SHISA9: variants seen among roughly 807,000 people sequenced by gnomAD.
SHISA9 encodes protein shisa-9.
SHISA9 carries 13 observed loss-of-function variants against 38.0 expected under a neutral mutation model. The ratio of observed to expected loss-of-function variants is 0.34; its 90% confidence interval spans 0.22 to 0.54. The LOEUF is 0.54. Among genes scored for constraint, SHISA9 ranks in the 20% least tolerant of loss-of-function variants. SHISA9 has a pLI of 0.91. For missense variants in SHISA9, 538 were observed against 575.8 expected (o/e 0.93, Z 0.67); for synonymous variants, 275 against 242.0 (o/e 1.14, Z -1.27).
chr16:13,023,500 A>G (rs60685292), intron 2 of SHISA9, among the ~76,000 whole-genome samples: 219 of 152,306 alleles, frequency 1.4e-3, no homozygotes, highest in African/African-American at 5.1e-3. Context: ...GTGTCTTTAT[A>G]GTAGCATGAT....
chr16:12,999,883 C>T (rs1284204345), intron 2 of SHISA9, among the ~76,000 whole-genome samples: 2 of 152,126 alleles, frequency 1.3e-5, no homozygotes, highest in Non-Finnish European at 2.9e-5. Flanking sequence ...TTCCATTGGC[C>T]AGAACTAGTC....
At chr16:13,103,957 T>A (rs185078590) in intron 2 of SHISA9, among the ~76,000 whole-genome samples, 3 of 152,268 alleles carry the variant, frequency 2.0e-5, no homozygotes, top group African/African-American at 7.2e-5. Context: ...TCCAAAGCCA[T>A]CCTGCTTGGG....
chr16:13,530,645 A>T, the SHISA9 span, among the ~76,000 whole-genome samples: 1 of 151,808 alleles, frequency 6.6e-6, no homozygotes, highest in Non-Finnish European at 1.5e-5. Flanking sequence ...CCACCTACCT[A>T]TAGTGTACCC....
the SHISA9 span, among the ~76,000 whole-genome samples, chr16:13,434,160 G>C: frequency 6.6e-6 from 1 of 152,160 alleles, no homozygotes; most frequent in Non-Finnish European, 1.5e-5. Flanking sequence ...CGGCACGGGA[G>C]AAAGATGGAG....
intron 2 of SHISA9, among the ~76,000 whole-genome samples, chr16:13,159,193 A>G (rs543066692): frequency 6.6e-6 from 1 of 152,324 alleles, no homozygotes; most frequent in East Asian, 1.9e-4. Flanking sequence ...AACAAGACCT[A>G]TTTCTAGGAA....
chr16:13,452,702 C>T, the SHISA9 span, among the ~76,000 whole-genome samples: 51 of 152,130 alleles, frequency 3.4e-4, no homozygotes, highest in Middle Eastern at 3.4e-3. Context: ...AGATAAAAAC[C>T]TAAGCTATTT....
intron 2 of SHISA9, among the ~76,000 whole-genome samples, chr16:12,977,017 G>A (rs908488341): frequency 1.3e-5 from 2 of 152,216 alleles, no homozygotes; most frequent in African/African-American, 2.4e-5. Context: ...GGAGCAGTGC[G>A]AGCAGAGAAT....
the SHISA9 span, among the ~76,000 whole-genome samples, chr16:13,447,009 C>T: frequency 6.8e-6 from 1 of 146,392 alleles, no homozygotes; most frequent in East Asian, 2.0e-4. Context: ...GTGAAAGGGA[C>T]AGGGTAAAAC....
the SHISA9 span, among the ~76,000 whole-genome samples, chr16:13,420,140 G>GT: frequency 1.4e-5 from 2 of 145,966 alleles, no homozygotes; most frequent in South Asian, 4.4e-4. Context: ...CAGCTACTCT[G>GT]GATGCTGAGG....
the SHISA9 span, among the ~76,000 whole-genome samples, chr16:13,426,199 T>C: frequency 6.6e-6 from 1 of 152,324 alleles, no homozygotes; most frequent in African/African-American, 2.4e-5. Context: ...TATTGGGAGC[T>C]TACTACACGT....
chr16:12,906,580 A>G (rs1322192891), intron 1 of SHISA9, among the ~76,000 whole-genome samples: 1 of 152,228 alleles, frequency 6.6e-6, no homozygotes. Context: ...GCAGCCAGCT[A>G]TGGATACCAA....
At chr16:13,399,357 A>T in the SHISA9 span, among the ~76,000 whole-genome samples, 22 of 152,206 alleles carry the variant, frequency 1.4e-4, no homozygotes, top group African/African-American at 2.4e-5. Context: ...TATTCAAGCT[A>T]AATAAATGGC....
At chr16:13,263,347 G>A in the SHISA9 span, among the ~76,000 whole-genome samples, 1 of 152,180 alleles carries the variant, frequency 6.6e-6, no homozygotes. Flanking sequence ...CTGGTGGGAG[G>A]AGACTGGATC....
chr16:13,340,714 G>C, the SHISA9 span, among the ~76,000 whole-genome samples: 1 of 152,184 alleles, frequency 6.6e-6, no homozygotes, highest in African/African-American at 2.4e-5. Context: ...CCTTAGCCAT[G>C]ATGGCCCTGC....
At chr16:13,468,928 G>C in the SHISA9 span, among the ~76,000 whole-genome samples, 1 of 150,766 alleles carries the variant, frequency 6.6e-6, no homozygotes, top group Non-Finnish European at 1.5e-5. Flanking sequence ...TATATGTGTT[G>C]TTATATATAT....
the SHISA9 span, among the ~76,000 whole-genome samples, chr16:13,324,687 C>A: frequency 6.6e-6 from 1 of 152,066 alleles, no homozygotes; most frequent in Non-Finnish European, 1.5e-5. Flanking sequence ...GAGGCAGTAT[C>A]TGAATCAGTT....
At chr16:13,360,286 C>T in the SHISA9 span, among the ~76,000 whole-genome samples, 1 of 152,210 alleles carries the variant, frequency 6.6e-6, no homozygotes, top group Non-Finnish European at 1.5e-5. Context: ...TGTCCCACTT[C>T]AGTTCCCCAC....
chr16:13,024,952 A>C (rs1007640801), intron 2 of SHISA9, among the ~76,000 whole-genome samples: 3 of 152,156 alleles, frequency 2.0e-5, no homozygotes, highest in Non-Finnish European at 2.9e-5. Context: ...CTGCTAGTGC[A>C]AGGGGCAGAT....
At chr16:12,906,661 C>T (rs555248365) in intron 1 of SHISA9, among the ~76,000 whole-genome samples, 25 of 152,112 alleles carry the variant, frequency 1.6e-4, no homozygotes, top group Admixed American at 7.9e-4. Flanking sequence ...AAGTTTTCCT[C>T]AATTTTGTGT....
Sources: allele counts gnomAD v4.1 joint callset (sites outside exome capture counted in the v4.1 genomes callset), GRCh38; gene constraint gnomAD v4.1.1; transcripts MANE v1.5; gene names NCBI Gene and HGNC (gene_info 2026-07-23, HGNC 2026-07-21).